SPAG16: variants seen among roughly 807,000 people sequenced by gnomAD.
The protein encoded by SPAG16 is sperm-associated antigen 16 protein.
In SPAG16, 86 loss-of-function variants were observed where a neutral mutation model predicts 80.4. The observed-to-expected ratio is 1.07, with a 90% confidence interval of 0.90 to 1.28. SPAG16 has a LOEUF of 1.28. SPAG16 is among the 50% of genes most tolerant of loss of function. The pLI, the probability that SPAG16 is intolerant of heterozygous loss-of-function variation, is 0.00. For synonymous variants in SPAG16, 294 were observed against 265.9 expected (o/e 1.11, Z -1.03); for missense variants, 870 against 765.3 (o/e 1.14, Z -1.61).
chr2:213,995,033 T>G (rs1367492272), intron 12 of SPAG16, among the ~76,000 whole-genome samples: 1 of 152,232 alleles, frequency 6.6e-6, no homozygotes, highest in East Asian at 1.9e-4. Flanking sequence ...ATTAAAAATA[T>G]GCTTTGATGG....
At chr2:213,526,589 T>A (rs2125868744) in intron 10 of SPAG16, among the ~76,000 whole-genome samples, 1 of 152,252 alleles carries the variant, frequency 6.6e-6, no homozygotes, top group East Asian at 1.9e-4. Context: ...CTTAAGAAAC[T>A]TTTTGGCATC....
intron 14 of SPAG16, among the ~76,000 whole-genome samples, chr2:214,130,724 C>T (rs2054724048): frequency 6.6e-6 from 1 of 152,120 alleles, no homozygotes; most frequent in Non-Finnish European, 1.5e-5. Context: ...AGACAAAGAT[C>T]TCATACATGA....
At chr2:213,543,899 A>G (rs2076532719) in intron 10 of SPAG16, among the ~76,000 whole-genome samples, 1 of 152,140 alleles carries the variant, frequency 6.6e-6, no homozygotes, top group East Asian at 1.9e-4. Flanking sequence ...TAATTGGAAT[A>G]ATTACATTGC....
intron 15 of SPAG16, among the ~76,000 whole-genome samples, chr2:214,157,150 A>G (rs1226646506): frequency 4.6e-5 from 7 of 152,190 alleles, no homozygotes; most frequent in African/African-American, 1.7e-4. Context: ...TTGGATGCAC[A>G]AGTCTATGAC....
At chr2:213,522,769 A>G (rs2075727014) in intron 10 of SPAG16, among the ~76,000 whole-genome samples, 1 of 150,974 alleles carries the variant, frequency 6.6e-6, no homozygotes, top group African/African-American at 2.4e-5. Context: ...ATTTAAATAT[A>G]TTCTAAAATG....
At chr2:213,888,991 A>G (rs1157213118) in intron 11 of SPAG16, among the ~76,000 whole-genome samples, 1 of 151,932 alleles carries the variant, frequency 6.6e-6, no homozygotes. Context: ...TGTTCTTTTC[A>G]TTGTTTACTA....
intron 10 of SPAG16, among the ~76,000 whole-genome samples, chr2:213,802,405 C>CTATCTATA (rs1172655771): frequency 4.5e-4 from 41 of 90,242 alleles, no homozygotes; most frequent in Admixed American, 9.7e-4. Flanking sequence ...CTCTATCTAT[C>CTATCTATA]TATCTATCTA....
intron 11 of SPAG16, among the ~76,000 whole-genome samples, chr2:213,929,521 C>G (rs2078653078): frequency 6.6e-6 from 1 of 152,192 alleles, no homozygotes; most frequent in Admixed American, 6.5e-5. Flanking sequence ...ACTCCTGAAG[C>G]ATTTAATTAA....
At chr2:214,209,627 G>A (rs2058236038) in intron 15 of SPAG16, among the ~76,000 whole-genome samples, 1 of 152,124 alleles carries the variant, frequency 6.6e-6, no homozygotes, top group Admixed American at 6.6e-5. Flanking sequence ...TACCACAATA[G>A]TAGAGGTTTC....
At chr2:214,170,265 CACTT>C (rs1479710057) in intron 15 of SPAG16, among the ~76,000 whole-genome samples, 5 of 128,818 alleles carry the variant, frequency 3.9e-5, no homozygotes, top group South Asian at 4.5e-4. Context: ...TATACACACA[CACTT>C]AGGTGTGCGT....
At chr2:214,366,865 G>T (rs1699511832) in intron 15 of SPAG16, among the ~76,000 whole-genome samples, 1 of 152,062 alleles carries the variant, frequency 6.6e-6, no homozygotes, top group African/African-American at 2.4e-5. Flanking sequence ...AAACACATTT[G>T]TTAGCATGAA....
At chr2:213,426,308 T>C (rs2069909754) in intron 9 of SPAG16, among the ~76,000 whole-genome samples, 1 of 152,020 alleles carries the variant, frequency 6.6e-6, no homozygotes, top group Non-Finnish European at 1.5e-5. Flanking sequence ...CTTCTTACTT[T>C]TTGGATTTTT....
chr2:213,810,666 C>G (rs1174652267), intron 10 of SPAG16, among the ~76,000 whole-genome samples: 2 of 152,090 alleles, frequency 1.3e-5, no homozygotes, highest in African/African-American at 4.8e-5. Flanking sequence ...GAGGAACAAG[C>G]AGCAAAGTGT....
At chr2:213,307,944 A>G (rs1173311621) in intron 3 of SPAG16, among the ~76,000 whole-genome samples, 1 of 152,190 alleles carries the variant, frequency 6.6e-6, no homozygotes, top group African/African-American at 2.4e-5. Flanking sequence ...TTGGATTTCC[A>G]TGTAAACATT....
intron 10 of SPAG16, among the ~76,000 whole-genome samples, chr2:213,819,633 C>T (rs972238019): frequency 1.3e-5 from 2 of 152,108 alleles, no homozygotes; most frequent in African/African-American, 2.4e-5. Context: ...CAGCTTTGTT[C>T]TCCTGGGCTC....
intron 15 of SPAG16, among the ~76,000 whole-genome samples, chr2:214,407,817 G>T (rs957702321): frequency 1.1e-4 from 16 of 151,984 alleles, no homozygotes; most frequent in African/African-American, 3.6e-4. Flanking sequence ...CTTAGAAAGA[G>T]GTTAGCATCC....
At chr2:213,548,990 G>C (rs1035735577) in intron 10 of SPAG16, among the ~76,000 whole-genome samples, 2 of 151,746 alleles carry the variant, frequency 1.3e-5, no homozygotes, top group African/African-American at 4.8e-5. Flanking sequence ...AGATGACACT[G>C]TTTTGTTCCA....
chr2:213,338,101 A>C (rs114019680), intron 5 of SPAG16, among the ~76,000 whole-genome samples: 1 of 152,204 alleles, frequency 6.6e-6, no homozygotes, highest in Non-Finnish European at 1.5e-5. Flanking sequence ...CTAGAGTTTC[A>C]TATCTGGTCA....
At chr2:214,010,307 A>G (rs1196226387) in intron 12 of SPAG16, among the ~76,000 whole-genome samples, 1 of 146,588 alleles carries the variant, frequency 6.8e-6, no homozygotes, top group Non-Finnish European at 1.5e-5. Flanking sequence ...TGTAGAGAAA[A>G]TATTAAACGT....
Sources: allele counts gnomAD v4.1 joint callset (sites outside exome capture counted in the v4.1 genomes callset), GRCh38; gene constraint gnomAD v4.1.1; transcripts MANE v1.5; gene names NCBI Gene and HGNC (gene_info 2026-07-23, HGNC 2026-07-21).